The following GNB5 variants were observed in gnomAD, a reference collection of about 807,000 sequenced individuals.
The protein encoded by GNB5 is guanine nucleotide-binding protein subunit beta-5.
A neutral mutation model predicts 55.3 loss-of-function variants in GNB5; 37 were observed. That is an observed-to-expected ratio of 0.67 (90% CI 0.51 to 0.88). The LOEUF is 0.88. Among genes scored for constraint, GNB5 ranks in the 40% least tolerant of loss-of-function variants. The pLI, the probability that GNB5 is intolerant of heterozygous loss-of-function variation, is 0.00. For missense variants in GNB5, 476 were observed against 515.3 expected, an observed-to-expected ratio of 0.92 and a Z score of 0.74; for synonymous variants, 219 against 198.5, an observed-to-expected ratio of 1.10 and a Z score of -0.87.
rs6493537 is a variant in GNB5 at position 52,154,003 on chromosome 15, G to A, written c.312C>T (p.His104=). The change falls in exon 4 of 13, where the codon CAC becomes CAT. Residue 104 remains histidine, a synonymous_variant. Transcript: ENST00000261837. ...AGTCCATGCACAGGACTTTGTTCCC[G>A]TGGCCTTTGAGGGTCCTTCTGGTCT... ...VMKTRRTLKG[H]GNKVLCMDWC... The A allele has an allele frequency of 0.053, 85,760 of 1,613,680 alleles. 5,138 individuals carry two copies. Among genetic ancestry groups the A allele is most frequent in the African/African-American group, 0.31 (23,088 of 74,952 alleles).
At chr15:52,155,712 ATTAGCT>A (rs2034194582) in intron 3 of GNB5, among the ~76,000 whole-genome samples, 1 of 151,972 alleles carries the variant, frequency 6.6e-6, no homozygotes, top group South Asian at 2.1e-4. Flanking sequence ...CTTCCTTGAG[ATTAGCT>A]TGGGTAAAAC....
At chr15:52,136,261 A>C (rs986936055) in intron 7 of GNB5, among the ~76,000 whole-genome samples, 6 of 151,312 alleles carry the variant, frequency 4.0e-5, no homozygotes, top group African/African-American at 1.5e-4. Context: ...ACAGTCCTTG[A>C]GTTGTGTTTA....
At chr15:52,128,056 C>A (rs1052060020) in intron 10 of GNB5, 140 bp downstream of exon 10, 1 of 550,454 alleles carries the variant, frequency 1.8e-6, no homozygotes, top group South Asian at 2.7e-5. Flanking sequence ...GTAAGGAGAT[C>A]AAGGTAATTT....
intron 8 of GNB5, among the ~76,000 whole-genome samples, chr15:52,134,150 C>G (rs1476104424): frequency 1.3e-5 from 2 of 152,224 alleles, no homozygotes; most frequent in Admixed American, 1.3e-4. Context: ...TAACATGACC[C>G]AGAAGGTCAC....
intron 3 of GNB5, among the ~76,000 whole-genome samples, chr15:52,170,890 G>A (rs761723924): frequency 6.6e-5 from 10 of 151,830 alleles, no homozygotes; most frequent in Non-Finnish European, 1.0e-4. Context: ...CAGATCACCT[G>A]AGGTCAGGAG....
In GNB5 at chr15:52,124,551, A is replaced by G. The variant is rs2033369503; in HGVS notation, c.1098T>C (p.His366=). 6 of 1,613,656 alleles carry G rather than the reference A, an allele frequency of 3.7e-6. No homozygotes were observed. The highest frequency in any genetic ancestry group is 5.1e-6 in the Non-Finnish European group (6 of 1,179,608). ...CTCGTAGAGTGCTAACGCGGTTTTCATGTCCAAACAGGATGGAGACCCGGG... is the reference window on the plus strand; with the variant it reads ...CTCGTAGAGTGCTAACGCGGTTTTCGTGTCCAAACAGGATGGAGACCCGGG... ...KGSRVSILFG[H]ENRVSTLRVS... Residue 366 remains histidine, a synonymous_variant, in exon 12 of 13, where the codon CAT becomes CAC. Coordinates refer to ENST00000261837, the MANE Select transcript of GNB5 (RefSeq NM_016194.4).
At chr15:52,169,632 G>A (rs556674139) in intron 3 of GNB5, among the ~76,000 whole-genome samples, 1 of 150,516 alleles carries the variant, frequency 6.6e-6, no homozygotes, top group Non-Finnish European at 1.5e-5. Context: ...GGAAAACCTA[G>A]GCAATACCAT....
chr15:52,169,538 C>CAAAAAAAAAAAAAAAAAAAAA (rs60470864), intron 3 of GNB5, among the ~76,000 whole-genome samples: 1 of 71,496 alleles, frequency 1.4e-5, no homozygotes, highest in Non-Finnish European at 2.5e-5. Flanking sequence ...GACTCTGTCT[C>CAAAAAAAAAAAAAAAAAAAAA]AAAAAAAAAA....
Position 52,184,605 on chromosome 15 carries a change from T to C in GNB5, c.72A>G (p.Arg24=), listed in dbSNP as rs1425935617. 3.1e-6 allele frequency: 5 copies of C among 1,613,042 alleles called. No homozygotes were observed. In the South Asian group the frequency reaches 4.4e-5, roughly 14 times the overall value. ...CDKCFKQRAL[R]PVFKKSQQLS... Reference sequence around the variant, plus strand: ...GTTGTTGAGACTTCTTGAAAACTGGTCTCAGAGCTCGTTGTTTGAAACATT... The same window carrying C: ...GTTGTTGAGACTTCTTGAAAACTGGCCTCAGAGCTCGTTGTTTGAAACATT... Residue 24 remains arginine, a synonymous_variant, in exon 2 of 13, where the codon AGA becomes AGG. Coordinates refer to ENST00000261837, the MANE Select transcript of GNB5 (RefSeq NM_016194.4).
At chr15:52,140,633 C>A (rs953139812) in intron 7 of GNB5, among the ~76,000 whole-genome samples, 4 of 152,212 alleles carry the variant, frequency 2.6e-5, no homozygotes, top group African/African-American at 7.2e-5. Context: ...GGTGCTTTCA[C>A]CACTTGCTAA....
intron 11 of GNB5, chr15:52,125,347 T>C (rs1240127193): frequency 1.3e-5 from 2 of 152,684 alleles, no homozygotes; most frequent in East Asian, 3.9e-4. Flanking sequence ...AGTGGCACGA[T>C]CTCAGCTCAC....
chr15:52,137,441 C>T lies in GNB5; in HGVS notation c.628-1685G>A, dbSNP rs2033751031. 6 of 1,016,762 alleles carry T rather than the reference C, an allele frequency of 5.9e-6. No individual in the cohort carries two copies. In the South Asian group the frequency reaches 1.5e-4, roughly 26 times the overall value. The allele number at this position is 1,016,762 out of a possible 1,614,324, so 63.0% of individuals were successfully genotyped here. ...GTCTGCACTAAATGAAAGGTGAGCCCGTTCACAGGTGGGGACTCAGTCTGA... is the reference window on the plus strand; with the variant it reads ...GTCTGCACTAAATGAAAGGTGAGCCTGTTCACAGGTGGGGACTCAGTCTGA... On this transcript the variant is annotated intron_variant, in intron 7 of 12. Coordinates refer to ENST00000261837, the MANE Select transcript of GNB5 (RefSeq NM_016194.4).
At chr15:52,162,011 C>G (rs1375847597) in intron 3 of GNB5, among the ~76,000 whole-genome samples, 1 of 152,138 alleles carries the variant, frequency 6.6e-6, no homozygotes, top group African/African-American at 2.4e-5. Flanking sequence ...GACGGCCAGA[C>G]AGGAAGGCAC....
At position 52,149,830 on chromosome 15, in the gene GNB5, T is replaced by G. The variant is rs767204990; in HGVS notation, c.417+54A>C. ...CCGGGCAGCTGGACCAGAGCACCTT[T>G]AAGTAGGCTGGGATTCTGAAGCCTC... is the stretch of plus-strand genomic sequence containing the variant. On this transcript the variant is annotated intron_variant, in intron 5 of 12. Transcript: ENST00000261837. The G allele has an allele frequency of 8.8e-6, 12 of 1,371,322 alleles. 1 individual carries two copies. In the South Asian group the frequency reaches 1.1e-4, roughly 12 times the overall value. The allele number at this position is 1,371,322 out of a possible 1,614,324, so 84.9% of individuals were successfully genotyped here.
chr15:52,141,212 A>G lies in GNB5; in HGVS notation c.555T>C (p.Ala185=). 6.2e-7 allele frequency: 1 copy of G among 1,613,942 alleles called. No individual in the cohort carries two copies. ...GCATAGCAACAGACTTCTTTTTGGC[A>G]GCCATGTTTTCATTTTTGTCAAACG... The part of the protein sequence containing the change: ...PLTFDKNENM[A]AKKKSVAMHT... Residue 185 remains alanine, a synonymous_variant, in exon 7 of 13, where the codon GCT becomes GCC. Transcript: ENST00000261837.
intron 3 of GNB5, among the ~76,000 whole-genome samples, chr15:52,171,901 T>A (rs905649644): frequency 1.3e-5 from 2 of 152,234 alleles, no homozygotes; most frequent in Non-Finnish European, 2.9e-5. Flanking sequence ...AGATTTGTAC[T>A]CAGAGAAACG....
chr15:52,175,567 G>A lies in GNB5; in HGVS notation c.238+4201C>T, dbSNP rs373408500. Reference sequence around the variant, plus strand: ...CAGCCCGTCCAACATGGTGAAACCCGGTCTCCACTAAAAATACAAAAATTA... The same window carrying A: ...CAGCCCGTCCAACATGGTGAAACCCAGTCTCCACTAAAAATACAAAAATTA... On this transcript the variant is annotated intron_variant, in intron 3 of 12. Coordinates refer to ENST00000261837, the MANE Select transcript of GNB5 (RefSeq NM_016194.4). Among the ~76,000 whole-genome samples, 19 of 151,480 alleles carry A rather than the reference G, an allele frequency of 1.3e-4. No individual in the cohort carries two copies. The East Asian group carries it at 3.7e-3, about 30-fold the overall frequency.
At chr15:52,161,186 A>G (rs1014567378) in intron 3 of GNB5, among the ~76,000 whole-genome samples, 1 of 152,198 alleles carries the variant, frequency 6.6e-6, no homozygotes, top group Non-Finnish European at 1.5e-5. Context: ...CATACCTTCA[A>G]TAATGGGAGA....
At chr15:52,131,908 C>T (rs2033587807) in intron 9 of GNB5, among the ~76,000 whole-genome samples, 1 of 152,170 alleles carries the variant, frequency 6.6e-6, no homozygotes, top group Non-Finnish European at 1.5e-5. Context: ...ATGGATCCTG[C>T]CACTTACTTG....
Sources: allele counts gnomAD v4.1 joint callset (sites outside exome capture counted in the v4.1 genomes callset), GRCh38; gene constraint gnomAD v4.1.1; transcripts MANE v1.5; gene names NCBI Gene and HGNC (gene_info 2026-07-23, HGNC 2026-07-21).